SMCO4: variants seen among roughly 807,000 people sequenced by gnomAD.
SMCO4 encodes single-pass membrane and coiled-coil domain-containing protein 4.
Under a neutral mutation model 3.6 loss-of-function variants are expected in SMCO4, and 4 were observed. The observed-to-expected ratio is 1.11, with a 90% CI of 0.54 to 2.53. The LOEUF (loss-of-function observed/expected upper bound fraction) is 2.53, where lower values mean the gene tolerates loss of function less well. Among genes scored for constraint, SMCO4 ranks in the 30% most tolerant of loss-of-function variants. The probability of loss-of-function intolerance (pLI) is 0.02; values close to 1 mark genes in which losing one functional copy is unlikely to be tolerated. For missense variants in SMCO4, 70 were observed against 80.8 expected (o/e 0.87, Z 0.51); for synonymous variants, 36 against 35.3 (o/e 1.02, Z -0.07).
At chr11:93,500,691 A>G (rs532130168) in intron 1 of SMCO4, among the ~76,000 whole-genome samples, 7 of 152,344 alleles carry the variant, frequency 4.6e-5, no homozygotes, top group African/African-American at 1.4e-4. Context: ...TCTCTAAGAG[A>G]TAATTGCCAT....
At chr11:93,541,233 G>A (rs1261860529) in intron 1 of SMCO4, among the ~76,000 whole-genome samples, 4 of 152,228 alleles carry the variant, frequency 2.6e-5, no homozygotes, top group Admixed American at 2.6e-4. Context: ...AAGCTCTAGT[G>A]AGAAGTTGCC....
chr11:93,530,401 G>T (rs1949150864), intron 1 of SMCO4, among the ~76,000 whole-genome samples: 1 of 152,196 alleles, frequency 6.6e-6, no homozygotes, highest in African/African-American at 2.4e-5. Context: ...AAAGGAAAGG[G>T]TGGTGGATCA....
intron 1 of SMCO4, among the ~76,000 whole-genome samples, chr11:93,534,371 T>TAGAG (rs763362078): frequency 0.2 from 25,352 of 125,880 alleles, 2,742 homozygotes; most frequent in East Asian, 0.33. Flanking sequence ...TATATATATA[T>TAGAG]ATATAGAGAG....
intron 1 of SMCO4, among the ~76,000 whole-genome samples, chr11:93,537,265 T>C (rs10831058): frequency 0.13 from 19,382 of 152,220 alleles, 2,303 homozygotes; most frequent in African/African-American, 0.31. Flanking sequence ...GCTCCTGGGA[T>C]TGCAGGGACA....
chr11:93,548,102 G>A (rs966950748), upstream of SMCO4, among the ~76,000 whole-genome samples: 5 of 152,190 alleles, frequency 3.3e-5, no homozygotes, highest in Non-Finnish European at 7.3e-5. Flanking sequence ...TTCATGCCTG[G>A]CTGTGCATTC....
chr11:93,516,862 T>C (rs1188820835), intron 1 of SMCO4, among the ~76,000 whole-genome samples: 1 of 152,164 alleles, frequency 6.6e-6, no homozygotes, highest in African/African-American at 2.4e-5. Context: ...AGTATCCTAA[T>C]ATTAGAAATC....
At chr11:93,553,166 C>G in the SMCO4 span, among the ~76,000 whole-genome samples, 1 of 152,202 alleles carries the variant, frequency 6.6e-6, no homozygotes. Flanking sequence ...GTGCTTTTTG[C>G]TGATAGTACA....
the SMCO4 span, among the ~76,000 whole-genome samples, chr11:93,552,363 C>T: frequency 0.13 from 20,282 of 150,510 alleles, 1,845 homozygotes; most frequent in African/African-American, 0.25. Flanking sequence ...TGGTTTCAAA[C>T]TCCCAGCCTC....
chr11:93,494,334 T>C (rs535906035), intron 2 of SMCO4, among the ~76,000 whole-genome samples: 1 of 152,346 alleles, frequency 6.6e-6, no homozygotes, highest in Non-Finnish European at 1.5e-5. Flanking sequence ...AGCATAAATA[T>C]GCATCACTTC....
intron 2 of SMCO4, among the ~76,000 whole-genome samples, chr11:93,479,916 T>A (rs763855548): frequency 6.6e-6 from 1 of 152,072 alleles, no homozygotes; most frequent in Non-Finnish European, 1.5e-5. Context: ...GGGGGCATGA[T>A]GGAGACCCGG....
At chr11:93,551,022 AC>A in the SMCO4 span, among the ~76,000 whole-genome samples, 222 of 152,316 alleles carry the variant, frequency 1.5e-3, 1 homozygote, top group Middle Eastern at 0.01. Flanking sequence ...TCTAGTCTAT[AC>A]TTAACTCTTC....
At chr11:93,542,013 G>T (rs1308645136) in intron 1 of SMCO4, among the ~76,000 whole-genome samples, 1 of 151,888 alleles carries the variant, frequency 6.6e-6, no homozygotes, top group Non-Finnish European at 1.5e-5. Context: ...TCTAGGACGA[G>T]AATAAGGGCT....
At chr11:93,498,677 G>A (rs1451403279) in intron 2 of SMCO4, among the ~76,000 whole-genome samples, 2 of 152,214 alleles carry the variant, frequency 1.3e-5, no homozygotes, top group Admixed American at 6.5e-5. Flanking sequence ...GACACCTGGC[G>A]AAGATCAGGA....
intron 1 of SMCO4, among the ~76,000 whole-genome samples, chr11:93,517,062 G>C (rs1231955729): frequency 6.6e-6 from 1 of 151,968 alleles, no homozygotes; most frequent in African/African-American, 2.4e-5. Context: ...TGATGATAAA[G>C]ACCTTTCTTC....
intron 1 of SMCO4, among the ~76,000 whole-genome samples, chr11:93,538,296 C>T (rs1949245057): frequency 6.6e-6 from 1 of 152,160 alleles, no homozygotes; most frequent in South Asian, 2.1e-4. Context: ...CCAGTCAACC[C>T]CTGCAAGTTT....
chr11:93,545,137 C>T (rs989377173), upstream of SMCO4, among the ~76,000 whole-genome samples: 2 of 152,134 alleles, frequency 1.3e-5, no homozygotes, highest in African/African-American at 2.4e-5. Context: ...CCATTTTCCT[C>T]TAAATATTAT....
chr11:93,515,319 T>C (rs377394149), intron 1 of SMCO4, among the ~76,000 whole-genome samples: 33 of 152,292 alleles, frequency 2.2e-4, no homozygotes, highest in African/African-American at 6.5e-4. Flanking sequence ...AGGTAGTTAG[T>C]AAAATAATCA....
intron 2 of SMCO4, among the ~76,000 whole-genome samples, chr11:93,484,795 T>C (rs1012454413): frequency 1.3e-5 from 2 of 152,086 alleles, no homozygotes; most frequent in Non-Finnish European, 2.9e-5. Flanking sequence ...TTCAAAGGTT[T>C]GATGCGAGAA....
intron 2 of SMCO4, among the ~76,000 whole-genome samples, chr11:93,484,244 ATTGT>A (rs1224546388): frequency 9.9e-5 from 15 of 152,260 alleles, no homozygotes; most frequent in African/African-American, 2.4e-4. Flanking sequence ...TCAGCACAGA[ATTGT>A]TTGTGATTTT....
Sources: allele counts gnomAD v4.1 joint callset (sites outside exome capture counted in the v4.1 genomes callset), GRCh38; gene constraint gnomAD v4.1.1; transcripts MANE v1.5; gene names NCBI Gene and HGNC (gene_info 2026-07-23, HGNC 2026-07-21).